Variants in CACUL1 observed in about 807,000 individuals in gnomAD.
The protein encoded by CACUL1 is CDK2-associated and cullin domain-containing protein 1.
Under a neutral mutation model 45.2 loss-of-function variants are expected in CACUL1, and 13 were observed. That is an observed-to-expected ratio of 0.29 (90% CI 0.19 to 0.46). The LOEUF is 0.46. Among genes scored for constraint, CACUL1 ranks in the 20% least tolerant of loss-of-function variants. The pLI, the probability that CACUL1 is intolerant of heterozygous loss-of-function variation, is 1.00. For synonymous variants in CACUL1, 197 were observed against 174.2 expected, an observed-to-expected ratio of 1.13 and a Z score of -1.03; for missense variants, 421 against 471.4, an observed-to-expected ratio of 0.89 and a Z score of 0.99.
intron 5 of CACUL1, 58 bp from the exon 6 acceptor site, chr10:118,695,288 C>A: frequency 1.0e-6 from 1 of 954,130 alleles, no homozygotes; most frequent in Non-Finnish European, 1.7e-6. Flanking sequence ...CAAGATTTCT[C>A]TATTACTGTT....
intron 1 of CACUL1, among the ~76,000 whole-genome samples, chr10:118,743,912 C>A (rs1222483715): frequency 6.6e-6 from 1 of 151,652 alleles, no homozygotes; most frequent in Non-Finnish European, 1.5e-5. Flanking sequence ...GCCAACAGAA[C>A]TACATTATAA....
Position 118,685,956 on chromosome 10 carries a change from T to C in CACUL1, c.*172A>G. 4.7e-6 allele frequency: 2 copies of C among 422,506 alleles called. No individual in the cohort carries two copies. Among genetic ancestry groups the C allele is most frequent in the East Asian group, 3.4e-5 (1 of 29,176 alleles). 26.2% of individuals were successfully genotyped at this position (422,506 alleles called of 1,614,324 possible). On this transcript the variant is annotated 3_prime_UTR_variant, in exon 9 of 9. Coordinates refer to ENST00000369151, the MANE Select transcript of CACUL1 (RefSeq NM_153810.5). ...GTCTAGCAGCAACGTTTTTTTTTTT[T>C]TTAGTTTTTGTTTTAAAATTACAAA... is the stretch of plus-strand genomic sequence containing the variant.
chr10:118,730,161 C>T (rs933673925), intron 2 of CACUL1, 123 bp downstream of exon 2: 2 of 1,084,438 alleles, frequency 1.8e-6, no homozygotes, highest in African/African-American at 1.6e-5. Flanking sequence ...GTGTGGAATA[C>T]ATAAAACACT....
intron 4 of CACUL1, among the ~76,000 whole-genome samples, chr10:118,702,963 CTT>C (rs748981221): frequency 3.3e-5 from 5 of 152,088 alleles, no homozygotes; most frequent in Non-Finnish European, 5.9e-5. Context: ...CTGATTCTCT[CTT>C]AATTTAATTT....
chr10:118,746,523 T>C (rs900726455), intron 1 of CACUL1, among the ~76,000 whole-genome samples: 21 of 152,196 alleles, frequency 1.4e-4, no homozygotes, highest in African/African-American at 3.9e-4. Flanking sequence ...AAATTACAGA[T>C]AAAATCTTGA....
intron 6 of CACUL1, among the ~76,000 whole-genome samples, chr10:118,691,886 A>C (rs1050266661): frequency 6.6e-6 from 1 of 150,638 alleles, no homozygotes; most frequent in African/African-American, 2.4e-5. Context: ...AAAAAAAAAA[A>C]AAAAGAAAAA....
chr10:118,739,897 C>A (rs758079636), intron 1 of CACUL1, among the ~76,000 whole-genome samples: 7 of 152,192 alleles, frequency 4.6e-5, no homozygotes, highest in Non-Finnish European at 1.0e-4. Context: ...ATAATCCCAG[C>A]GCTTTGGGAA....
intron 1 of CACUL1, among the ~76,000 whole-genome samples, chr10:118,745,189 C>A (rs181597280): frequency 5.9e-5 from 9 of 152,186 alleles, no homozygotes; most frequent in African/African-American, 1.9e-4. Context: ...CCTAGAGTAA[C>A]CCCCAAAGAG....
intron 7 of CACUL1, among the ~76,000 whole-genome samples, chr10:118,686,932 C>A (rs915172532): frequency 1.3e-5 from 2 of 152,186 alleles, no homozygotes; most frequent in Non-Finnish European, 2.9e-5. Context: ...AAGCTACCTA[C>A]AAATCCTATT....
intron 2 of CACUL1, among the ~76,000 whole-genome samples, chr10:118,729,931 AAG>A (rs1845683481): frequency 6.6e-6 from 1 of 152,176 alleles, no homozygotes; most frequent in African/African-American, 2.4e-5. Context: ...AAAATAACCA[AAG>A]AGAGTTAGAA....
At chr10:118,737,506 A>G (rs1444587213) in intron 1 of CACUL1, among the ~76,000 whole-genome samples, 1 of 152,194 alleles carries the variant, frequency 6.6e-6, no homozygotes, top group African/African-American at 2.4e-5. Context: ...GATAAGCCTT[A>G]TAACATACCA....
intron 3 of CACUL1, among the ~76,000 whole-genome samples, chr10:118,725,487 G>A (rs777717447): frequency 2.0e-5 from 3 of 151,988 alleles, no homozygotes; most frequent in Admixed American, 6.6e-5. Context: ...TAAGAAGAGC[G>A]GAGTTAATAA....
chr10:118,725,384 T>C (rs879935242), intron 3 of CACUL1, among the ~76,000 whole-genome samples: 3 of 152,104 alleles, frequency 2.0e-5, no homozygotes, highest in African/African-American at 4.8e-5. Context: ...CGGAGGATCA[T>C]TTGAGCCCAG....
At chr10:118,724,682 A>G (rs917616131) in intron 3 of CACUL1, among the ~76,000 whole-genome samples, 2 of 152,244 alleles carry the variant, frequency 1.3e-5, no homozygotes, top group Non-Finnish European at 2.9e-5. Context: ...CAATTAAAAG[A>G]ATATTCCACT....
chr10:118,715,950 C>A (rs1845538978), intron 3 of CACUL1, among the ~76,000 whole-genome samples: 1 of 152,144 alleles, frequency 6.6e-6, no homozygotes, highest in African/African-American at 2.4e-5. Context: ...AAAATAACCA[C>A]TACCGGCTGG....
At chr10:118,743,747 A>T (rs1042823595) in intron 1 of CACUL1, among the ~76,000 whole-genome samples, 6 of 152,170 alleles carry the variant, frequency 3.9e-5, no homozygotes, top group Non-Finnish European at 8.8e-5. Flanking sequence ...AGGAAAAAAG[A>T]AACAATGCAG....
chr10:118,737,644 G>C (rs930980212), intron 1 of CACUL1, among the ~76,000 whole-genome samples: 1 of 149,456 alleles, frequency 6.7e-6, no homozygotes, highest in Non-Finnish European at 1.5e-5. Context: ...TTCAATTAGA[G>C]GAAATGTAAT....
chr10:118,701,178 C>A, intron 5 of CACUL1, 128 bp downstream of exon 5: 1 of 494,204 alleles, frequency 2.0e-6, no homozygotes, highest in Non-Finnish European at 3.6e-6. Flanking sequence ...GGCTTCAACA[C>A]TTCCTGCTAT....
chr10:118,730,190 GCATTCTA>G, intron 2 of CACUL1, 87 bp downstream of exon 2: 1 of 1,274,044 alleles, frequency 7.8e-7, no homozygotes, highest in Non-Finnish European at 1.1e-6. Context: ...CTCATCTTAT[GCATTCTA>G]CATTACATGT....
Sources: gnomAD v4.1 joint callset for allele counts (sites outside exome capture counted in the v4.1 genomes callset) on GRCh38, gnomAD v4.1.1 for gene constraint, MANE v1.5 for transcripts, NCBI Gene and HGNC (gene_info 2026-07-23, HGNC 2026-07-21) for gene names.